The following SOBP variants were observed in gnomAD, a reference collection of about 807,000 sequenced individuals.
SOBP encodes sine oculis binding protein homolog.
SOBP carries 4 observed loss-of-function variants against 53.6 expected under a neutral mutation model. The observed-to-expected ratio is 0.07, with a 90% CI of 0.04 to 0.17. SOBP has a LOEUF of 0.17. Ranked by LOEUF, SOBP falls within the 10% of genes least tolerant of loss-of-function variation. The probability of loss-of-function intolerance (pLI) is 1.00; values close to 1 mark genes in which losing one functional copy is unlikely to be tolerated. For synonymous variants in SOBP, 584 were observed against 522.6 expected, an observed-to-expected ratio of 1.12 and a Z score of -1.60; for missense variants, 1,088 against 1,204.7, an observed-to-expected ratio of 0.90 and a Z score of 1.43.
Position 107,635,268 on chromosome 6 carries a change from C to T in SOBP, c.2424C>T (p.Asn808=). The part of the protein sequence containing the change: ...GGDKSDPNLN[N]PADEDHAYAL... ...ACAAGTCAGACCCGAACCTTAATAA[C>T]CCCGCGGACGAGGACCATGCCTATG... The change falls in exon 6 of 7, where the codon AAC becomes AAT. Residue 808 remains asparagine (N), a synonymous_variant. Coordinates refer to ENST00000317357, the MANE Select transcript of SOBP (RefSeq NM_018013.4). This position sits in a 1 kb window ranked among gnomAD's most constrained non-coding sequence, Gnocchi z 4.5. 5.0e-6 allele frequency: 8 copies of T among 1,613,942 alleles called. No individual in the cohort carries two copies. Among genetic ancestry groups the T allele is most frequent in the Non-Finnish European group, 5.1e-6 (6 of 1,179,998 alleles).
chr6:107,612,439 CT>C (rs1385817737), intron 5 of SOBP, among the ~76,000 whole-genome samples: 5 of 152,164 alleles, frequency 3.3e-5, no homozygotes, highest in African/African-American at 9.7e-5. Context: ...TTAGGCTCCT[CT>C]TTGTAGACTT....
At chr6:107,588,848 T>G (rs1439314682) in intron 5 of SOBP, among the ~76,000 whole-genome samples, 3 of 152,238 alleles carry the variant, frequency 2.0e-5, no homozygotes, top group African/African-American at 7.2e-5. Flanking sequence ...GGTACAATCT[T>G]CGTCCTTCCA....
At chr6:107,527,973 G>A (rs1327161308) in intron 3 of SOBP, among the ~76,000 whole-genome samples, 1 of 152,092 alleles carries the variant, frequency 6.6e-6, no homozygotes, top group Non-Finnish European at 1.5e-5. Flanking sequence ...CCTTCCTTTG[G>A]CTGCCCTCAG....
At chr6:107,628,223 G>A in intron 5 of SOBP, among the ~76,000 whole-genome samples, 1 of 152,212 alleles carries the variant, frequency 6.6e-6, no homozygotes, top group South Asian at 2.1e-4. Flanking sequence ...ATTAGAAAAT[G>A]ACTGGCCTTG....
At chr6:107,575,848 C>T (rs1474852857) in intron 4 of SOBP, among the ~76,000 whole-genome samples, 4 of 152,092 alleles carry the variant, frequency 2.6e-5, no homozygotes, top group African/African-American at 7.3e-5. Context: ...GTCCCTAAAC[C>T]CCAGTCAAAT....
chr6:107,629,231 C>CTTTTTTTTTTTTTTT (rs5878925), intron 5 of SOBP, among the ~76,000 whole-genome samples: 3 of 123,330 alleles, frequency 2.4e-5, no homozygotes, highest in Non-Finnish European at 3.4e-5. Context: ...GTGCTAATAT[C>CTTTTTTTTTTTTTTT]TTTTTTTTTT....
chr6:107,646,329 T>G (rs1771556114), intron 6 of SOBP, among the ~76,000 whole-genome samples: 3 of 152,226 alleles, frequency 2.0e-5, no homozygotes, highest in African/African-American at 7.2e-5. Context: ...AATCTCACAA[T>G]CAACAGACCA....
At chr6:107,605,879 C>A (rs936511947) in intron 5 of SOBP, among the ~76,000 whole-genome samples, 2 of 152,222 alleles carry the variant, frequency 1.3e-5, no homozygotes, top group African/African-American at 2.4e-5. Flanking sequence ...TTAATGAGAT[C>A]GCTATAGCAT....
At chr6:107,651,194 G>A (rs1388065470) in intron 6 of SOBP, among the ~76,000 whole-genome samples, 1 of 152,180 alleles carries the variant, frequency 6.6e-6, no homozygotes, top group African/African-American at 2.4e-5. Context: ...CTGAGCCTGG[G>A]AATTTGAGGC....
intron 5 of SOBP, among the ~76,000 whole-genome samples, chr6:107,592,361 T>C (rs1049509013): frequency 2.0e-5 from 3 of 152,192 alleles, no homozygotes; most frequent in African/African-American, 7.2e-5. Context: ...TGCCATATAT[T>C]AGCCATTGCT....
At chr6:107,558,961 G>A (rs1454094119) in intron 4 of SOBP, among the ~76,000 whole-genome samples, 3 of 151,856 alleles carry the variant, frequency 2.0e-5, no homozygotes, top group Non-Finnish European at 4.4e-5. Flanking sequence ...TCTGTTGCCT[G>A]TTTTTCATTA....
intron 4 of SOBP, among the ~76,000 whole-genome samples, chr6:107,546,168 G>A (rs951766690): frequency 2.6e-5 from 4 of 152,294 alleles, no homozygotes; most frequent in East Asian, 1.9e-4. Context: ...AAGACTGTAC[G>A]CATGGACATT....
intron 3 of SOBP, among the ~76,000 whole-genome samples, chr6:107,531,204 G>C (rs547928470): frequency 6.6e-6 from 1 of 152,292 alleles, no homozygotes; most frequent in East Asian, 1.9e-4. Context: ...AAATAATGAG[G>C]GGGACCTAAT....
At chr6:107,652,139 C>T (rs1218458487) in intron 6 of SOBP, among the ~76,000 whole-genome samples, 1 of 152,184 alleles carries the variant, frequency 6.6e-6, no homozygotes, top group African/African-American at 2.4e-5. Context: ...AAGAGATACA[C>T]TTCATAAGGC....
chr6:107,536,048 C>T (rs2114991531), intron 4 of SOBP, among the ~76,000 whole-genome samples: 1 of 152,058 alleles, frequency 6.6e-6, no homozygotes, highest in African/African-American at 2.4e-5. Flanking sequence ...TGGCTAAATT[C>T]TACCTTTTTT....
At chr6:107,550,487 T>C (rs778890403) in intron 4 of SOBP, among the ~76,000 whole-genome samples, 1 of 152,170 alleles carries the variant, frequency 6.6e-6, no homozygotes. Flanking sequence ...GTTCTGTGGC[T>C]GGGGATACAA....
At chr6:107,518,298 T>A (rs563996351) in intron 3 of SOBP, among the ~76,000 whole-genome samples, 3 of 152,156 alleles carry the variant, frequency 2.0e-5, no homozygotes, top group South Asian at 4.1e-4. Flanking sequence ...GAGAGACCGG[T>A]AAACACACAT....
rs190176788 is a variant in SOBP, at chr6:107,517,521, C to G, written c.421+11094C>G. ...ATCTCATTTAACACTAATTATCTTC[C>G]AAAGGCCTCATCTCCAATTGCCATA... On this transcript the variant is annotated intron_variant, in intron 3 of 6. Coordinates refer to ENST00000317357, the MANE Select transcript of SOBP (RefSeq NM_018013.4). 2.0e-4 allele frequency among the ~76,000 whole-genome samples: 31 copies of G among 152,314 alleles called. No individual in the cohort carries two copies. In the East Asian group the frequency reaches 6.0e-3, roughly 29 times the overall value.
intron 4 of SOBP, among the ~76,000 whole-genome samples, chr6:107,560,053 T>C (rs1784730838): frequency 6.6e-6 from 1 of 152,176 alleles, no homozygotes; most frequent in African/African-American, 2.4e-5. Flanking sequence ...AAATAACTAA[T>C]TCAAAATGAC....
Sources: allele counts gnomAD v4.1 joint callset (sites outside exome capture counted in the v4.1 genomes callset), GRCh38; gene constraint gnomAD v4.1.1; non-coding constraint Gnocchi (gnomAD v3.1); transcripts MANE v1.5; gene names NCBI Gene and HGNC (gene_info 2026-07-23, HGNC 2026-07-21).